The following FBRSL1 variants were observed in gnomAD, a reference collection of about 807,000 sequenced individuals.
FBRSL1 encodes the protein fibrosin like 1, also known as fibrosin-1-like protein.
In FBRSL1, 51 loss-of-function variants were observed where a neutral mutation model predicts 89.6. The observed-to-expected ratio is 0.57, with a 90% CI of 0.45 to 0.72. The LOEUF (loss-of-function observed/expected upper bound fraction) is 0.72, where lower values mean the gene tolerates loss of function less well. Among genes scored for constraint, FBRSL1 ranks in the 30% least tolerant of loss-of-function variants. The pLI is 0.00. For synonymous variants in FBRSL1, 779 were observed against 681.1 expected (o/e 1.14, Z -2.24); for missense variants, 1,618 against 1,451.8 (o/e 1.11, Z -1.86).
chr12:132,547,856 G>T, intron 4 of FBRSL1, 147 bp from the exon 5 acceptor site: 2 of 792,136 alleles, frequency 2.5e-6, no homozygotes, highest in South Asian at 3.3e-5. Flanking sequence ...TAACCGCCCC[G>T]ACCACCTGGG....
rs529356276 is a variant in FBRSL1, at chr12:132,560,543, G to C, written c.646-6938G>C. On this transcript the variant is annotated intron_variant, in intron 5 of 18. Coordinates refer to ENST00000680143, the MANE Select transcript of FBRSL1 (RefSeq NM_001367871.1). ...GCCCAGGTGCGGAATCGGCCACCCG[G>C]GTTCCCGGCGCCGCGCTCACCTGCC... 7.2e-5 allele frequency among the ~76,000 whole-genome samples: 11 copies of C among 152,226 alleles called. No homozygotes were observed. In the East Asian group the frequency reaches 2.1e-3, roughly 29 times the overall value.
chr12:132,494,768 C>T (rs960736351), intron 1 of FBRSL1, among the ~76,000 whole-genome samples: 3 of 152,314 alleles, frequency 2.0e-5, no homozygotes, highest in Non-Finnish European at 4.4e-5. Context: ...GACTGGCACA[C>T]GGGCCACGCA....
intron 2 of FBRSL1, among the ~76,000 whole-genome samples, chr12:132,525,346 C>T (rs1003135572): frequency 6.6e-6 from 1 of 152,162 alleles, no homozygotes; most frequent in Admixed American, 6.5e-5. Flanking sequence ...GAGGCCCTGC[C>T]TGTGGTCCCT....
chr12:132,508,657 C>T (rs779138574), intron 2 of FBRSL1, among the ~76,000 whole-genome samples: 1 of 152,230 alleles, frequency 6.6e-6, no homozygotes, highest in Non-Finnish European at 1.5e-5. Flanking sequence ...GTTTCCCTGC[C>T]GTGTCCATCA....
Position 132,520,528 on chromosome 12 carries a change from C to G in FBRSL1, c.490-5206C>G, listed in dbSNP as rs2035259042. On this transcript the variant is annotated intron_variant, in intron 2 of 18. Transcript: ENST00000680143. ...GCCCGAGGGTGGGGACAACAGTCCA[C>G]AAAACAGAGCAGGATGCAGTCGCTG... 3.9e-5 allele frequency among the ~76,000 whole-genome samples: 6 copies of G among 152,204 alleles called. No individual in the cohort carries two copies. In the South Asian group the frequency reaches 1.2e-3, roughly 31 times the overall value.
chr12:132,492,084 A>G (rs1010673421), intron 1 of FBRSL1, among the ~76,000 whole-genome samples: 3 of 152,116 alleles, frequency 2.0e-5, no homozygotes, highest in Non-Finnish European at 4.4e-5. Context: ...AATGACACAG[A>G]CTGTACGTGT....
Position 132,525,768 on chromosome 12 carries a change from A to G in FBRSL1, c.524A>G (p.Asp175Gly). Reference sequence around the variant, plus strand: ...ACCGTGTCCAAAGGGGGCGACCGGGACAGTGACGACGACAGCGTCCTCGAA... The same window carrying G: ...ACCGTGTCCAAAGGGGGCGACCGGGGCAGTGACGACGACAGCGTCCTCGAA... ...KVTVSKGGDR[D>G]SDDDSVLEAT... The change falls in exon 3 of 19, where the codon GAC becomes GGC. Residue 175 changes from aspartate to glycine, a missense_variant. Physicochemically the swap from Asp to Gly is moderately conservative, Grantham distance 94. Coordinates refer to ENST00000680143, the MANE Select transcript of FBRSL1 (RefSeq NM_001367871.1). The G allele has an allele frequency of 6.5e-7, 1 of 1,549,956 alleles. No individual in the cohort carries two copies. Among genetic ancestry groups the G allele is most frequent in the Non-Finnish European group, 8.7e-7 (1 of 1,146,342 alleles).
Position 132,517,049 on chromosome 12 carries a change from C to T in FBRSL1, c.490-8685C>T, listed in dbSNP as rs557304399. Among the ~76,000 whole-genome samples the T allele has an allele frequency of 1.1e-4, 16 of 152,342 alleles. No individual in the cohort carries two copies. In the East Asian group the frequency reaches 1.7e-3, roughly 17 times the overall value. ...CAGCCTGGCTGGTTTGAGGCCCAGA[C>T]GCTAGAGGCTTATCTTTGTCCCGGT... On this transcript the variant is annotated intron_variant, in intron 2 of 18. Coordinates refer to ENST00000680143, the MANE Select transcript of FBRSL1 (RefSeq NM_001367871.1).
In FBRSL1 at chr12:132,583,179, C is replaced by G; in HGVS notation, c.2410C>G (p.His804Asp). The change falls in exon 19 of 19, where the codon CAC becomes GAC. Residue 804 changes from histidine (H) to aspartate (D), a missense_variant. Coordinates refer to ENST00000680143, the MANE Select transcript of FBRSL1 (RefSeq NM_001367871.1). ...AKMPARASPP[H>D]SKAAPGDVKV... ...GATGCCCGCGCGCGCATCCCCGCCC[C>G]ACAGCAAGGCGGCCCCTGGAGACGT... The G allele has an allele frequency of 6.9e-7, 1 of 1,453,656 alleles. No individual in the cohort carries two copies. The highest frequency in any genetic ancestry group is 1.5e-5 in the African/African-American group (1 of 67,258). 90.0% of individuals were successfully genotyped at this position (1,453,656 alleles called of 1,614,324 possible).
intron 5 of FBRSL1, among the ~76,000 whole-genome samples, chr12:132,563,543 T>TC (rs745671355): frequency 6.6e-6 from 1 of 152,100 alleles, no homozygotes; most frequent in Non-Finnish European, 1.5e-5. Flanking sequence ...TGGATCTCCT[T>TC]CCGTCTGTCC....
rs547223804 is a variant in FBRSL1 at position 132,564,889 on chromosome 12, G to A, written c.646-2592G>A. Among the ~76,000 whole-genome samples the A allele has an allele frequency of 6.2e-3, 949 of 151,988 alleles. 8 individuals carry two copies. The highest frequency in any genetic ancestry group is 0.014 in the South Asian group (66 of 4,824). ...CGTGATCCGCCGGCCTCGGCCTCCCGCAGTGCTGGGATTTCAGGCGTGAGC... is the reference window on the plus strand; with the variant it reads ...CGTGATCCGCCGGCCTCGGCCTCCCACAGTGCTGGGATTTCAGGCGTGAGC... On this transcript the variant is annotated intron_variant, in intron 5 of 18. Coordinates refer to ENST00000680143, the MANE Select transcript of FBRSL1 (RefSeq NM_001367871.1).
In FBRSL1 at chr12:132,552,068, G is replaced by A. The variant is rs554733260; in HGVS notation, c.645+4036G>A. 12 of 205,536 alleles carry A rather than the reference G, an allele frequency of 5.8e-5. 1 individual carries two copies. The highest frequency in any genetic ancestry group is 5.3e-4 in the South Asian group (6 of 11,288). The allele number at this position is 205,536 out of a possible 1,614,324, so 12.7% of individuals were successfully genotyped here. On this transcript the variant is annotated intron_variant, in intron 5 of 18. Transcript: ENST00000680143. ...ATGAGGTCAGACATGGCGTGGGGCC[G>A]ACCCCGCAGGCAGCCCACCATCCAC...
intron 4 of FBRSL1, among the ~76,000 whole-genome samples, chr12:132,528,330 G>A (rs1283137234): frequency 6.6e-6 from 1 of 152,128 alleles, no homozygotes; most frequent in African/African-American, 2.4e-5. Context: ...TAAGGGTGCC[G>A]GGATCCGCGG....
At chr12:132,548,298 G>C (rs750443638) in intron 5 of FBRSL1, among the ~76,000 whole-genome samples, 49 of 152,188 alleles carry the variant, frequency 3.2e-4, no homozygotes, top group Non-Finnish European at 6.2e-4. Context: ...CCCCAGCCAG[G>C]AGGGTGCCCT....
At chr12:132,528,561 C>A (rs1379569068) in intron 4 of FBRSL1, among the ~76,000 whole-genome samples, 1 of 151,458 alleles carries the variant, frequency 6.6e-6, no homozygotes, top group Non-Finnish European at 1.5e-5. Context: ...CGGGTGTGTG[C>A]CCAGGGGGAG....
At chr12:132,568,505 G>C (rs1816026096) in intron 6 of FBRSL1, among the ~76,000 whole-genome samples, 1 of 152,278 alleles carries the variant, frequency 6.6e-6, no homozygotes, top group African/African-American at 2.4e-5. Flanking sequence ...GGTGTCACGC[G>C]GGGCTGCTGA....
chr12:132,572,307 A>G lies in FBRSL1; in HGVS notation c.1397A>G (p.Lys466Arg). 1 of 1,551,152 alleles carries G rather than the reference A, an allele frequency of 6.4e-7. No individual in the cohort carries two copies. The highest frequency in any genetic ancestry group is 8.7e-7 in the Non-Finnish European group (1 of 1,146,744). Residue 466 changes from lysine (K) to arginine (R), a missense_variant, in exon 10 of 19, where the codon AAG (lysine) becomes AGG (arginine). By Grantham distance (26) the Lys-to-Arg change is conservative. Coordinates refer to ENST00000680143, the MANE Select transcript of FBRSL1 (RefSeq NM_001367871.1). ...RECQFDKYAP[K>R]LDSPYFRHSS... ...TTCCAGTTTGACAAGTATGCGCCCAAGCTGGACAGCCCCTACTTCCGACAT... is the reference window on the plus strand; with the variant it reads ...TTCCAGTTTGACAAGTATGCGCCCAGGCTGGACAGCCCCTACTTCCGACAT...
chr12:132,505,319 G>C (rs1393439907), intron 1 of FBRSL1, among the ~76,000 whole-genome samples: 3 of 152,184 alleles, frequency 2.0e-5, no homozygotes, highest in East Asian at 1.9e-4. Context: ...CGGAGCCCAG[G>C]CATCCTTGGG....
At chr12:132,498,191 C>G (rs1950119122) in intron 1 of FBRSL1, among the ~76,000 whole-genome samples, 1 of 152,164 alleles carries the variant, frequency 6.6e-6, no homozygotes, top group Admixed American at 6.5e-5. Flanking sequence ...GCTACGTGCC[C>G]CCTGTGTGGG....
Sources: gnomAD v4.1 joint callset for allele counts (sites outside exome capture counted in the v4.1 genomes callset) on GRCh38, gnomAD v4.1.1 for gene constraint, MANE v1.5 for transcripts, NCBI Gene and HGNC (gene_info 2026-07-23, HGNC 2026-07-21) for gene names.